EPB41L1: variants seen among roughly 807,000 people sequenced by gnomAD.
The protein encoded by EPB41L1 is band 4.1-like protein 1.
EPB41L1 carries 29 observed loss-of-function variants against 97.8 expected under a neutral mutation model. The ratio of observed to expected loss-of-function variants is 0.30; its 90% CI spans 0.22 to 0.40. The LOEUF (loss-of-function observed/expected upper bound fraction) is 0.40. EPB41L1 is among the 10% of genes least tolerant of loss of function. The pLI is 1.00. For missense variants in EPB41L1, 812 were observed against 1,162.3 expected (o/e 0.70, Z 4.38); for synonymous variants, 383 against 459.2 (o/e 0.83, Z 2.12).
At position 36,175,552 on chromosome 20, in the gene EPB41L1, G is replaced by A; in HGVS notation, c.179G>A (p.Ser60Asn). Residue 60 changes from serine to asparagine, a missense_variant and splice_region_variant, in exon 3 of 22, where the codon AGC becomes AAC. Physicochemically the swap from Ser to Asn is conservative, Grantham distance 46. Transcript: ENST00000338074. ...CTATTCCCTTGCTTGGTCCTGCAGA[G>A]CCTAGACATGGAGGAGAAGGACTAC... ...SQQDTRPAEQ[S>N]LDMEEKDYSE... 1 of 1,614,194 alleles carries A rather than the reference G, an allele frequency of 6.2e-7. No individual in the cohort carries two copies. The highest frequency in any genetic ancestry group is 1.3e-5 in the African/African-American group (1 of 75,044).
At chr20:36,125,676 C>A in intron 2 of EPB41L1, 1 of 1,181,554 alleles carries the variant, frequency 8.5e-7, no homozygotes, top group Non-Finnish European at 1.2e-6. Context: ...CAGGTGGGTC[C>A]AGCTCCTGCA....
upstream of EPB41L1, chr20:36,154,625 C>T (rs1159310706): frequency 1.1e-6 from 1 of 898,112 alleles, no homozygotes; most frequent in Non-Finnish European, 1.3e-6. This position sits in a 1 kb window ranked among gnomAD's most constrained non-coding sequence, Gnocchi z 5.5. Context: ...GGCTGGGCTC[C>T]GAGGCCGGGG....
intron 1 of EPB41L1, chr20:36,155,448 A>G: frequency 2.6e-6 from 1 of 382,434 alleles, no homozygotes; most frequent in Non-Finnish European, 5.2e-6. Flanking sequence ...TGTCCTGGCC[A>G]GTGACCGTCC....
rs570109174 is a variant in EPB41L1, at chr20:36,190,629, T to G, written c.1132T>G (p.Ser378Ala). The change falls in exon 11 of 22, where the codon TCC becomes GCC. Residue 378 changes from serine (S) to alanine (A), a missense_variant. Around this residue, in one of 3 missense-constraint regions of EPB41L1, gnomAD observed 230 missense variants for 445.2 expected, o/e 0.52. Coordinates refer to ENST00000338074, the MANE Select transcript of EPB41L1 (RefSeq NM_012156.2). This position sits in a 1 kb window ranked among gnomAD's most constrained non-coding sequence, Gnocchi z 5.8. ...TGCATCCCTCTGCTGCAGGCTGGTG[T>G]CCCCTGAGCCCCCACCCAAGGGCTT... Reference protein sequence around the residue: ...IEHHTFFRLVSPEPPPKGFLV... With the variant: ...IEHHTFFRLVAPEPPPKGFLV... 3 of 1,613,822 alleles carry G rather than the reference T, an allele frequency of 1.9e-6. No homozygotes were observed. The South Asian group carries it at 3.3e-5, about 18-fold the overall frequency.
At chr20:36,214,508 G>A (rs1396633668) in intron 17 of EPB41L1, 68 bp downstream of exon 17, 2 of 1,308,362 alleles carry the variant, frequency 1.5e-6, no homozygotes, top group Non-Finnish European at 2.2e-6. Context: ...CAGAGAACAA[G>A]CTAACATCGC....
At chr20:36,123,268 G>T (rs980022815) in intron 2 of EPB41L1, among the ~76,000 whole-genome samples, 6 of 152,026 alleles carry the variant, frequency 3.9e-5, no homozygotes, top group Non-Finnish European at 8.8e-5. Flanking sequence ...CCAGCCCAGG[G>T]TCTAGTTTGG....
chr20:36,174,713 G>T (rs183328551), intron 2 of EPB41L1, among the ~76,000 whole-genome samples: 7 of 152,194 alleles, frequency 4.6e-5, no homozygotes, highest in African/African-American at 1.7e-4. Flanking sequence ...ACCATGCTTG[G>T]CCCATTGTGG....
In EPB41L1 at chr20:36,154,853, C is replaced by T. The variant is rs1422043420; in HGVS notation, c.-58C>T. 3 of 1,004,144 alleles carry T rather than the reference C, an allele frequency of 3.0e-6. No individual in the cohort carries two copies. The highest frequency in any genetic ancestry group is 2.4e-6 in the Non-Finnish European group (2 of 841,550). The allele number at this position is 1,004,144 out of a possible 1,614,324, so 62.2% of individuals were successfully genotyped here. A position where few individuals can be genotyped will look rare whatever the true frequency, so the allele number is the denominator to read the frequency against. On this transcript the variant is annotated 5_prime_UTR_variant, in exon 1 of 22. Coordinates refer to ENST00000338074, the MANE Select transcript of EPB41L1 (RefSeq NM_012156.2). The surrounding 1 kb of genome is among the most constrained non-coding windows in gnomAD (Gnocchi z 5.5). Reference sequence around the variant, plus strand: ...TGCCTGCCAGAGGAGCCGAGGGGGCCGCCCCTCGCCCAACCTGCCCGACAT... The same window carrying T: ...TGCCTGCCAGAGGAGCCGAGGGGGCTGCCCCTCGCCCAACCTGCCCGACAT...
chr20:36,122,407 C>T (rs898175090), intron 2 of EPB41L1, among the ~76,000 whole-genome samples: 1 of 152,198 alleles, frequency 6.6e-6, no homozygotes, highest in Non-Finnish European at 1.5e-5. Context: ...TGGGCAGTGG[C>T]CATGTGGCCT....
intron 1 of EPB41L1, among the ~76,000 whole-genome samples, chr20:36,097,501 A>G (rs560496163): frequency 6.6e-6 from 1 of 152,356 alleles, no homozygotes; most frequent in East Asian, 1.9e-4. Context: ...GCTACTCCAC[A>G]ATTCAGCTCA....
chr20:36,140,818 C>T (rs1185395927), intron 2 of EPB41L1, among the ~76,000 whole-genome samples: 2 of 152,144 alleles, frequency 1.3e-5, no homozygotes, highest in Non-Finnish European at 2.9e-5. Flanking sequence ...GCCCCCACCC[C>T]CATGAGAGAG....
In EPB41L1 at chr20:36,229,513, G is replaced by GAT. The variant is rs1186425410; in HGVS notation, c.*181_*182dup. On this transcript the variant is annotated 3_prime_UTR_variant, in exon 22 of 22. Coordinates refer to ENST00000338074, the MANE Select transcript of EPB41L1 (RefSeq NM_012156.2). ...ATATATATAGATATATAGAGATATA[G>GAT]ATATATATACAGGAAACACCGCATC... 7.9e-6 allele frequency: 5 copies of GAT among 634,284 alleles called. No individual in the cohort carries two copies. In the East Asian group the frequency reaches 1.4e-4, roughly 18 times the overall value. 39.3% of individuals were successfully genotyped at this position (634,284 alleles called of 1,614,324 possible).
In EPB41L1 at chr20:36,232,336, C is replaced by G. The variant is rs1038676633; in HGVS notation, c.*2996C>G. ...CGGTTAGGAGTTCTGGGTGACCATC[C>G]TGGCTCAGCTCCTAACTCACCATGT... On this transcript the variant is annotated 3_prime_UTR_variant, in exon 22 of 22. Transcript: ENST00000338074. 5 of 332,554 alleles carry G rather than the reference C, an allele frequency of 1.5e-5. No homozygotes were observed. The highest frequency in any genetic ancestry group is 9.7e-5 in the Admixed American group (2 of 20,590). 20.6% of individuals were successfully genotyped at this position (332,554 alleles called of 1,614,324 possible). A position where few individuals can be genotyped will look rare whatever the true frequency, so the allele number is the denominator to read the frequency against.
At position 36,212,478 on chromosome 20, in the gene EPB41L1, C is replaced by T. The variant is rs1045790977; in HGVS notation, c.2184+102C>T. Reference sequence around the variant, plus strand: ...ACCCCTTGGCCAGCTCTTTTAATCTCAGCTTCCCTGGAACCCATATGTTAA... The same window carrying T: ...ACCCCTTGGCCAGCTCTTTTAATCTTAGCTTCCCTGGAACCCATATGTTAA... On this transcript the variant is annotated intron_variant, in intron 16 of 21. Transcript: ENST00000338074. This position sits in a 1 kb window ranked among gnomAD's most constrained non-coding sequence, Gnocchi z 4.8. The T allele has an allele frequency of 4.2e-5, 40 of 957,502 alleles. 1 individual carries two copies. In the Middle Eastern group the frequency reaches 1.4e-3, roughly 34 times the overall value. The allele number at this position is 957,502 out of a possible 1,614,324, so 59.3% of individuals were successfully genotyped here. A position where few individuals can be genotyped will look rare whatever the true frequency, so the allele number is the denominator to read the frequency against.
chr20:36,130,040 C>G (rs2059135426), intron 2 of EPB41L1, among the ~76,000 whole-genome samples: 2 of 150,728 alleles, frequency 1.3e-5, no homozygotes, highest in Non-Finnish European at 2.9e-5. Flanking sequence ...CCCCCAGGTT[C>G]AAGTGATTCT....
chr20:36,206,110 G>A lies in EPB41L1; in HGVS notation c.1669-3378G>A. On this transcript the variant is annotated intron_variant, in intron 14 of 21. Transcript: ENST00000338074. The surrounding 1 kb of genome is among the most constrained non-coding windows in gnomAD (Gnocchi z 5.5). ...AAGTCCTGAAGACTTTGAGTCAGTG[G>A]GGGAGGAAGGCCCCTGGATCAGGGA... 1 of 1,289,896 alleles carries A rather than the reference G, an allele frequency of 7.8e-7. No homozygotes were observed. Among genetic ancestry groups the A allele is most frequent in the African/African-American group, 1.5e-5 (1 of 66,012 alleles). The allele number at this position is 1,289,896 out of a possible 1,614,324, so 79.9% of individuals were successfully genotyped here.
intron 2 of EPB41L1, among the ~76,000 whole-genome samples, chr20:36,125,693 G>A (rs975972394): frequency 6.6e-5 from 10 of 152,174 alleles, no homozygotes; most frequent in Non-Finnish European, 7.3e-5. Flanking sequence ...TGCAGCCCGT[G>A]TATATTGACC....
chr20:36,156,884 C>T (rs919305010), intron 1 of EPB41L1, among the ~76,000 whole-genome samples: 1 of 152,116 alleles, frequency 6.6e-6, no homozygotes, highest in African/African-American at 2.4e-5. Context: ...TAGCACCTGC[C>T]GGGACTTCCC....
chr20:36,138,262 C>CTT (rs34787525), intron 2 of EPB41L1, among the ~76,000 whole-genome samples: 66 of 131,790 alleles, frequency 5.0e-4, no homozygotes, highest in African/African-American at 1.4e-3. Context: ...ATGGTTAGCA[C>CTT]TTTTTTTTTT....
Sources: gnomAD v4.1 joint callset for allele counts (sites outside exome capture counted in the v4.1 genomes callset) on GRCh38, gnomAD v4.1.1 for gene constraint, gnomAD v4.1.1 regional missense constraint, Gnocchi (gnomAD v3.1) non-coding constraint, MANE v1.5 for transcripts, NCBI Gene and HGNC (gene_info 2026-07-23, HGNC 2026-07-21) for gene names.